ABHD12: variants seen among roughly 807,000 people sequenced by gnomAD.
ABHD12 encodes lysophosphatidylserine lipase ABHD12.
Under a neutral mutation model 58.3 loss-of-function variants are expected in ABHD12, and 43 were observed. The observed-to-expected ratio is 0.74, with a 90% CI of 0.58 to 0.95. The LOEUF (loss-of-function observed/expected upper bound fraction) is 0.95. Ranked by LOEUF, ABHD12 falls within the 40% of genes least tolerant of loss-of-function variation. ABHD12 has a pLI of 0.00. For synonymous variants in ABHD12, 219 were observed against 211.2 expected (o/e 1.04, Z -0.32); for missense variants, 539 against 537.2 (o/e 1.00, Z -0.03).
At chr20:25,329,213 G>A (rs1249052853) in intron 2 of ABHD12, among the ~76,000 whole-genome samples, 3 of 152,244 alleles carry the variant, frequency 2.0e-5, no homozygotes, top group African/African-American at 4.8e-5. Flanking sequence ...CTGGGGTGGG[G>A]ACAGAGTGCT....
At chr20:25,338,969 A>G in intron 2 of ABHD12, 1 of 1,252,442 alleles carries the variant, frequency 8.0e-7, no homozygotes. Flanking sequence ...CAACACTAGC[A>G]CAGAAAGTCC....
At chr20:25,372,651 T>G (rs760286400) in intron 1 of ABHD12, among the ~76,000 whole-genome samples, 10 of 152,218 alleles carry the variant, frequency 6.6e-5, no homozygotes, top group South Asian at 2.1e-4. Flanking sequence ...TCATGCAAAC[T>G]GCATAATAGC....
At chr20:25,374,887 A>C (rs1467159050) in intron 1 of ABHD12, among the ~76,000 whole-genome samples, 3 of 152,212 alleles carry the variant, frequency 2.0e-5, no homozygotes, top group African/African-American at 7.2e-5. Context: ...CATTATATAC[A>C]CATCATAGTT....
intron 2 of ABHD12, chr20:25,338,878 T>C (rs899673424): frequency 6.7e-5 from 73 of 1,092,928 alleles, no homozygotes; most frequent in Non-Finnish European, 8.2e-5. Flanking sequence ...TCAACATTTT[T>C]ACTCACCTCA....
At chr20:25,385,689 T>G (rs1048468895) in intron 1 of ABHD12, among the ~76,000 whole-genome samples, 2 of 150,558 alleles carry the variant, frequency 1.3e-5, no homozygotes, top group Non-Finnish European at 3.0e-5. Context: ...ACCAAAAAAT[T>G]TAAATAAATA....
intron 2 of ABHD12, among the ~76,000 whole-genome samples, chr20:25,336,446 G>T (rs2146026478): frequency 6.6e-6 from 1 of 152,162 alleles, no homozygotes; most frequent in Non-Finnish European, 1.5e-5. Flanking sequence ...TATAAATTTG[G>T]TTTCAGATAG....
At chr20:25,323,764 T>C (rs1308893887) in intron 2 of ABHD12, among the ~76,000 whole-genome samples, 1 of 151,920 alleles carries the variant, frequency 6.6e-6, no homozygotes, top group Non-Finnish European at 1.5e-5. Context: ...TGTGAGAAGA[T>C]GCAAATGAGG....
chr20:25,302,741 C>A (rs1009057078), intron 11 of ABHD12, among the ~76,000 whole-genome samples: 1 of 152,188 alleles, frequency 6.6e-6, no homozygotes. Flanking sequence ...CCCCCTCCCC[C>A]TCTCATTTCG....
At chr20:25,310,079 C>A in intron 6 of ABHD12, 17 of 159,614 alleles carry the variant, frequency 1.1e-4, no homozygotes, top group South Asian at 5.6e-4. Flanking sequence ...CCATCCTCAG[C>A]TCTACACTTC....
At chr20:25,305,726 T>C (rs902700854) in intron 10 of ABHD12, among the ~76,000 whole-genome samples, 2 of 152,098 alleles carry the variant, frequency 1.3e-5, no homozygotes, top group Non-Finnish European at 2.9e-5. Context: ...ACAATATCAA[T>C]ACAATCTGAA....
chr20:25,330,506 G>A (rs1443480977), intron 2 of ABHD12, among the ~76,000 whole-genome samples: 1 of 152,212 alleles, frequency 6.6e-6, no homozygotes, highest in Non-Finnish European at 1.5e-5. Context: ...CCACCTCTGG[G>A]GGCAGGGCAC....
chr20:25,366,046 T>C (rs2089816155), intron 1 of ABHD12, among the ~76,000 whole-genome samples: 1 of 152,130 alleles, frequency 6.6e-6, no homozygotes, highest in African/African-American at 2.4e-5. Context: ...AAAAATCAAA[T>C]AAATATTGTT....
rs896766258 is a variant in ABHD12, at chr20:25,388,404, C to G, written c.191+2109G>C. 5.9e-5 allele frequency among the ~76,000 whole-genome samples: 9 copies of G among 152,242 alleles called. No homozygotes were observed. The South Asian group carries it at 6.2e-4, about 11-fold the overall frequency. ...TCTCATGGCGCTTCCATTCTGGTTG[C>G]GGGGGAGGCACACGAGCAAAAATTA... On this transcript the variant is annotated intron_variant, in intron 1 of 12. Transcript: ENST00000339157.
intron 6 of ABHD12, among the ~76,000 whole-genome samples, chr20:25,310,939 T>C (rs1600774703): frequency 6.6e-6 from 1 of 152,060 alleles, no homozygotes; most frequent in African/African-American, 2.4e-5. Flanking sequence ...GGGAGATGAA[T>C]GGGAAGAAGC....
chr20:25,385,159 G>A (rs1833522655), intron 1 of ABHD12, among the ~76,000 whole-genome samples: 1 of 151,984 alleles, frequency 6.6e-6, no homozygotes, highest in South Asian at 2.1e-4. Flanking sequence ...CCAACATGGA[G>A]AAACCCTGTC....
intron 3 of ABHD12, among the ~76,000 whole-genome samples, chr20:25,321,736 C>T (rs4813558): frequency 0.079 from 11,970 of 152,268 alleles, 693 homozygotes; most frequent in South Asian, 0.18. Context: ...GAGGGCTGAC[C>T]AAGTCCCACT....
At chr20:25,377,986 G>A (rs542301592) in intron 1 of ABHD12, among the ~76,000 whole-genome samples, 6 of 152,286 alleles carry the variant, frequency 3.9e-5, no homozygotes, top group East Asian at 3.9e-4. Flanking sequence ...GTGGGCCACC[G>A]CGTCCGGCCA....
rs184318667 is a variant in ABHD12 at position 25,380,357 on chromosome 20, A to G, written c.191+10156T>C. 9.5e-3 allele frequency among the ~76,000 whole-genome samples: 1,453 copies of G among 152,256 alleles called. 7 individuals carry two copies. Among genetic ancestry groups the G allele is most frequent in the Non-Finnish European group, 0.013 (881 of 68,018 alleles). ...GCTAATATATCACATAACTATCATA[A>G]TATCATAATTATCAATATAGTGGGC... is the stretch of plus-strand genomic sequence containing the variant. On this transcript the variant is annotated intron_variant, in intron 1 of 12. Coordinates refer to ENST00000339157, the MANE Select transcript of ABHD12 (RefSeq NM_001042472.3).
At chr20:25,384,515 C>T (rs910106303) in intron 1 of ABHD12, among the ~76,000 whole-genome samples, 5 of 151,740 alleles carry the variant, frequency 3.3e-5, no homozygotes, top group East Asian at 1.9e-4. Context: ...GAGGCTTAGG[C>T]GGGTGGATCA....
Sources: allele counts gnomAD v4.1 joint callset (sites outside exome capture counted in the v4.1 genomes callset), GRCh38; gene constraint gnomAD v4.1.1; transcripts MANE v1.5; gene names NCBI Gene and HGNC (gene_info 2026-07-23, HGNC 2026-07-21).